KCNMA1: variants seen among roughly 807,000 people sequenced by gnomAD.
KCNMA1 encodes potassium calcium-activated channel subfamily M alpha 1.
Under a neutral mutation model 140.0 loss-of-function variants are expected in KCNMA1, and 29 were observed. That is an observed-to-expected ratio of 0.21 (90% CI 0.15 to 0.28). The LOEUF is 0.28. Ranked by LOEUF, KCNMA1 falls within the 10% of genes least tolerant of loss-of-function variation. The probability of loss-of-function intolerance (pLI) is 1.00; values close to 1 mark genes in which losing one functional copy is unlikely to be tolerated. For missense variants in KCNMA1, 880 were observed against 1,602.2 expected, an observed-to-expected ratio of 0.55 and a Z score of 7.70; for synonymous variants, 612 against 611.9, an observed-to-expected ratio of 1.00 and a Z score of 0.00.
At chr10:77,502,610 T>C (rs985815588) in intron 1 of KCNMA1, among the ~76,000 whole-genome samples, 1 of 152,152 alleles carries the variant, frequency 6.6e-6, no homozygotes, top group Non-Finnish European at 1.5e-5. Flanking sequence ...GGCACCCCCA[T>C]GGACACCAAG....
At chr10:77,593,847 C>T (rs1195846364) in intron 1 of KCNMA1, among the ~76,000 whole-genome samples, 1 of 152,172 alleles carries the variant, frequency 6.6e-6, no homozygotes, top group Admixed American at 6.5e-5. Context: ...GGCATCTGCA[C>T]AATAAGGAAA....
intron 5 of KCNMA1, among the ~76,000 whole-genome samples, chr10:77,173,493 C>A (rs927519532): frequency 6.6e-6 from 1 of 152,074 alleles, no homozygotes; most frequent in Non-Finnish European, 1.5e-5. Flanking sequence ...ACTGTATGTA[C>A]ATACACATAC....
At chr10:77,472,055 C>CT (rs1301402532) in intron 1 of KCNMA1, among the ~76,000 whole-genome samples, 1 of 148,540 alleles carries the variant, frequency 6.7e-6, no homozygotes, top group Non-Finnish European at 1.5e-5. Context: ...ATACATGTAC[C>CT]ACATACACAC....
At chr10:77,252,558 C>T (rs866997605) in intron 2 of KCNMA1, among the ~76,000 whole-genome samples, 89 of 71,256 alleles carry the variant, frequency 1.2e-3, no homozygotes, top group East Asian at 7.6e-3. Context: ...TGTGTGTGTG[C>T]GGGCACGTGT....
At chr10:77,230,991 C>T (rs1051002107) in intron 3 of KCNMA1, among the ~76,000 whole-genome samples, 14 of 152,266 alleles carry the variant, frequency 9.2e-5, no homozygotes, top group African/African-American at 3.4e-4. Flanking sequence ...TTACCGAAGC[C>T]ACACTGTCTC....
At chr10:77,629,406 G>A (rs766443955) in intron 1 of KCNMA1, among the ~76,000 whole-genome samples, 2 of 152,182 alleles carry the variant, frequency 1.3e-5, no homozygotes, top group Non-Finnish European at 2.9e-5. Context: ...CAAGCACCAT[G>A]TTGTCAACAA....
intron 1 of KCNMA1, among the ~76,000 whole-genome samples, chr10:77,480,533 C>A (rs139267343): frequency 6.6e-6 from 1 of 152,212 alleles, no homozygotes; most frequent in Non-Finnish European, 1.5e-5. Flanking sequence ...AAGAAACAGT[C>A]CCCATATCCT....
At chr10:77,445,190 C>T (rs564881562) in intron 1 of KCNMA1, among the ~76,000 whole-genome samples, 4 of 152,226 alleles carry the variant, frequency 2.6e-5, no homozygotes, top group African/African-American at 4.8e-5. Context: ...CTAGGATCCC[C>T]ACTTTCTATA....
intron 6 of KCNMA1, 112 bp from the exon 7 acceptor site, chr10:77,112,554 C>T: frequency 1.3e-6 from 1 of 744,286 alleles, no homozygotes; most frequent in Non-Finnish European, 2.4e-6. Context: ...ACATCTAACT[C>T]CCAACCATTT....
chr10:77,587,430 C>A (rs1463075774), intron 1 of KCNMA1, among the ~76,000 whole-genome samples: 1 of 152,142 alleles, frequency 6.6e-6, no homozygotes, highest in Non-Finnish European at 1.5e-5. Flanking sequence ...TTTCTACATT[C>A]TTAAGTGTCC....
chr10:77,048,108 C>CAATAAATAAATA (rs60963807), intron 14 of KCNMA1, among the ~76,000 whole-genome samples: 6,495 of 143,600 alleles, frequency 0.045, 309 homozygotes, highest in African/African-American at 0.11. Context: ...CATGATGAGA[C>CAATAAATAAATA]AATAAATAAA....
Position 76,910,089 on chromosome 10 carries a change from A to G in KCNMA1, c.3024T>C (p.Asp1008=). 15 of 1,614,060 alleles carry G rather than the reference A, an allele frequency of 9.3e-6. No individual in the cohort carries two copies. Among genetic ancestry groups the G allele is most frequent in the Non-Finnish European group, 1.2e-5 (14 of 1,179,936 alleles). ...NIPIITELVN[D]TNVQFLDQDD... is the part of the protein sequence containing the mutation. ...CTTGGTCCAAAAACTGAACATTAGTATCGTTCACTAGAAAAAGCATAAAAT... is the reference window on the plus strand; with the variant it reads ...CTTGGTCCAAAAACTGAACATTAGTGTCGTTCACTAGAAAAAGCATAAAAT... Residue 1008 remains aspartate (D), a synonymous_variant, in exon 25 of 28, where the codon GAT becomes GAC. Coordinates refer to ENST00000286628, the MANE Select transcript of KCNMA1 (RefSeq NM_001161352.2).
chr10:77,084,813 T>A, intron 11 of KCNMA1, 94 bp from the exon 12 acceptor site: 1 of 886,800 alleles, frequency 1.1e-6, no homozygotes, highest in Non-Finnish European at 1.8e-6. Context: ...TTGGGGAAGC[T>A]TTGCAAAGAA....
rs1555197716 is a variant in KCNMA1, at chr10:77,068,725, T to TGTGTGTGC, written c.1749+4371_1749+4372insGCACACAC. Reference sequence around the variant, plus strand: ...GTGTGTGTGTGTGTGTGTGTGTGTGTGTGTGTGTATAAAATGATAGATTAA... The same window carrying TGTGTGTGC: ...GTGTGTGTGTGTGTGTGTGTGTGTGTGTGTGTGCGTGTGTGTATAAAATGATAGATTAA... On this transcript the variant is annotated intron_variant, in intron 14 of 27. Transcript: ENST00000286628. Among the ~76,000 whole-genome samples, 163 of 150,486 alleles carry TGTGTGTGC rather than the reference T, an allele frequency of 1.1e-3. 1 individual carries two copies. Among genetic ancestry groups the TGTGTGTGC allele is most frequent in the African/African-American group, 3.7e-3 (153 of 40,954 alleles).
At chr10:77,065,481 T>C (rs2095899812) in intron 14 of KCNMA1, among the ~76,000 whole-genome samples, 1 of 152,224 alleles carries the variant, frequency 6.6e-6, no homozygotes, top group Admixed American at 6.5e-5. Context: ...GCTTAGTTAC[T>C]TTCTTCCTGA....
chr10:77,197,661 C>A (rs1421608150), intron 3 of KCNMA1, among the ~76,000 whole-genome samples: 1 of 152,070 alleles, frequency 6.6e-6, no homozygotes, highest in African/African-American at 2.4e-5. Context: ...TCAGGGCCAT[C>A]GGGGAAAGCA....
intron 1 of KCNMA1, among the ~76,000 whole-genome samples, chr10:77,546,569 C>A (rs552189308): frequency 1.3e-5 from 2 of 152,368 alleles, no homozygotes; most frequent in Non-Finnish European, 2.9e-5. Context: ...AAATTTCACA[C>A]AAGGTTATCC....
chr10:77,338,990 A>G (rs1246059404), intron 2 of KCNMA1, among the ~76,000 whole-genome samples: 1 of 152,136 alleles, frequency 6.6e-6, no homozygotes, highest in Non-Finnish European at 1.5e-5. Flanking sequence ...TGTATTCTCA[A>G]TGGGGGCAAA....
At chr10:77,246,229 T>C (rs1024187784) in intron 3 of KCNMA1, among the ~76,000 whole-genome samples, 2 of 152,274 alleles carry the variant, frequency 1.3e-5, no homozygotes, top group African/African-American at 2.4e-5. Context: ...TGCTGGAATC[T>C]AATCCTGGCT....
Sources: allele counts gnomAD v4.1 joint callset (sites outside exome capture counted in the v4.1 genomes callset), GRCh38; gene constraint gnomAD v4.1.1; transcripts MANE v1.5; gene names NCBI Gene and HGNC (gene_info 2026-07-23, HGNC 2026-07-21).